DEF6: variants seen among roughly 807,000 people sequenced by gnomAD.
DEF6 encodes the protein differentially expressed in FDCP 6 homolog.
DEF6 carries 32 observed loss-of-function variants against 80.5 expected under a neutral mutation model. That is an observed-to-expected ratio of 0.40 (90% CI 0.30 to 0.53). DEF6 has a LOEUF of 0.53. Among genes scored for constraint, DEF6 ranks in the 20% least tolerant of loss-of-function variants. The pLI is 0.57. For missense variants in DEF6, 575 were observed against 818.7 expected (o/e 0.70, Z 3.63); for synonymous variants, 300 against 337.9 (o/e 0.89, Z 1.23).
rs1464333646 is a variant in DEF6 at position 35,318,529 on chromosome 6, G to A, written c.1215+58G>A. The A allele has an allele frequency of 8.2e-6, 11 of 1,346,736 alleles. No homozygotes were observed. Among genetic ancestry groups the A allele is most frequent in the Non-Finnish European group, 9.5e-6 (10 of 1,055,728 alleles). 83.4% of individuals were successfully genotyped at this position (1,346,736 alleles called of 1,614,324 possible). A position where few individuals can be genotyped will look rare whatever the true frequency, so the allele number is the denominator to read the frequency against. Reference sequence around the variant, plus strand: ...CGGTGGGCTGGGAGGCTGGCCAGGGGCGGAGCGCCGGGGGCGGGGCCTGGG... The same window carrying A: ...CGGTGGGCTGGGAGGCTGGCCAGGGACGGAGCGCCGGGGGCGGGGCCTGGG... On this transcript the variant is annotated intron_variant, in intron 7 of 10. Transcript: ENST00000316637. This position sits in a 1 kb window ranked among gnomAD's most constrained non-coding sequence, Gnocchi z 5.1.
In DEF6 at chr6:35,310,629, C is replaced by T. The variant is rs1562148583; in HGVS notation, c.408C>T (p.Ile136=). The change falls in exon 3 of 11, where the codon ATC becomes ATT. Residue 136 remains isoleucine, a synonymous_variant. Transcript: ENST00000316637. ...NFLSEDKYPL[I]MVPDEVEYLL... is the part of the protein sequence containing the mutation. ...TGTCTGAGGACAAGTACCCTCTGAT[C>T]ATGGTTCCTGATGAGGTGAGGGTGA... 1 of 1,614,194 alleles carries T rather than the reference C, an allele frequency of 6.2e-7. No homozygotes were observed. Among genetic ancestry groups the T allele is most frequent in the Non-Finnish European group, 8.5e-7 (1 of 1,180,030 alleles).
At chr6:35,308,369 C>CAAA (rs1562147839) in intron 1 of DEF6, among the ~76,000 whole-genome samples, 2 of 127,712 alleles carry the variant, frequency 1.6e-5, no homozygotes, top group Non-Finnish European at 1.7e-5. Flanking sequence ...CTGTCTCTAC[C>CAAA]GAAAAAAAAA....
chr6:35,314,628 TAC>T (rs1791504905), intron 5 of DEF6, among the ~76,000 whole-genome samples: 1 of 152,204 alleles, frequency 6.6e-6, no homozygotes. Context: ...GGTTTTTTGT[TAC>T]AGAGTTGTTT....
intron 1 of DEF6, among the ~76,000 whole-genome samples, chr6:35,306,339 C>T (rs550988664): frequency 1.3e-5 from 2 of 151,570 alleles, no homozygotes; most frequent in Admixed American, 6.6e-5. Context: ...GGCAAAACCC[C>T]GTCTCTACTA....
chr6:35,315,528 A>G (rs1400382265), intron 5 of DEF6, among the ~76,000 whole-genome samples: 1 of 152,162 alleles, frequency 6.6e-6, no homozygotes, highest in Non-Finnish European at 1.5e-5. Context: ...AAATCTATAA[A>G]TTGCTTTGGG....
chr6:35,308,118 T>C (rs1791414655), intron 1 of DEF6, among the ~76,000 whole-genome samples: 1 of 152,202 alleles, frequency 6.6e-6, no homozygotes, highest in Non-Finnish European at 1.5e-5. Flanking sequence ...GCACATTTAG[T>C]TTCAACCTCA....
Position 35,318,185 on chromosome 6 carries a change from C to T in DEF6, c.929C>T (p.Ala310Val). 6.4e-7 allele frequency: 1 copy of T among 1,563,358 alleles called. No homozygotes were observed. Among genetic ancestry groups the T allele is most frequent in the Non-Finnish European group, 8.6e-7 (1 of 1,156,614 alleles). The change falls in exon 7 of 11, where the codon GCG becomes GTG. Residue 310 changes from alanine (A) to valine (V), a missense_variant. By Grantham distance (64) the Ala-to-Val change is moderately conservative. Coordinates refer to ENST00000316637, the MANE Select transcript of DEF6 (RefSeq NM_022047.4). The surrounding 1 kb of genome is among the most constrained non-coding windows in gnomAD (Gnocchi z 5.1). ...RQEWTAAIQMAIRLQAEGKTS... is the reference protein window; with the variant it reads ...RQEWTAAIQMVIRLQAEGKTS... ...CGCTCTTCGGCAGCCATCCAGATGG[C>T]GATCCGGCTGCAGGCCGAGGGGAAG... is the stretch of plus-strand genomic sequence containing the variant.
chr6:35,318,354 G>A lies in DEF6; in HGVS notation c.1098G>A (p.Leu366=). 1 of 1,542,492 alleles carries A rather than the reference G, an allele frequency of 6.5e-7. No individual in the cohort carries two copies. The highest frequency in any genetic ancestry group is 1.4e-5 in the African/African-American group (1 of 72,998). ...EKERKLQELE[L]LQEAQRQAER... ...AGCGGAAGCTGCAGGAGCTGGAGCT[G>A]CTGCAGGAGGCGCAGCGGCAGGCCG... The change falls in exon 7 of 11, where the codon CTG becomes CTA. Residue 366 remains leucine, a synonymous_variant. Transcript: ENST00000316637. This position sits in a 1 kb window ranked among gnomAD's most constrained non-coding sequence, Gnocchi z 5.1.
chr6:35,321,448 A>G lies in DEF6; in HGVS notation c.*38A>G. 6.3e-7 allele frequency: 1 copy of G among 1,578,130 alleles called. No individual in the cohort carries two copies. Among genetic ancestry groups the G allele is most frequent in the Non-Finnish European group, 8.7e-7 (1 of 1,152,070 alleles). Reference sequence around the variant, plus strand: ...CCTTGTTCTTCCCAATGTCATATCCACCAGGACCTGGCCACAGCTGGCCTG... The same window carrying G: ...CCTTGTTCTTCCCAATGTCATATCCGCCAGGACCTGGCCACAGCTGGCCTG... On this transcript the variant is annotated 3_prime_UTR_variant, in exon 11 of 11. Transcript: ENST00000316637.
At chr6:35,315,965 T>G (rs1791520714) in intron 5 of DEF6, 1 of 153,056 alleles carries the variant, frequency 6.5e-6, no homozygotes, top group Admixed American at 6.6e-5. Flanking sequence ...TTCAAGTGAT[T>G]CTCCTGCCTC....
At chr6:35,310,071 G>GC (rs1179968574) in intron 2 of DEF6, among the ~76,000 whole-genome samples, 2 of 150,454 alleles carry the variant, frequency 1.3e-5, no homozygotes, top group Non-Finnish European at 3.0e-5. Flanking sequence ...CCGAATCCCT[G>GC]CCCGGCCCTC....
At chr6:35,320,785 T>C in intron 9 of DEF6, 99 bp from the exon 10 acceptor site, 1 of 1,013,152 alleles carries the variant, frequency 9.9e-7, no homozygotes, top group Non-Finnish European at 1.5e-6. Flanking sequence ...TGATCAGTAG[T>C]CTTGGTCAGA....
Position 35,312,321 on chromosome 6 carries a change from A to C in DEF6, c.443A>C (p.Lys148Thr). 6.2e-7 allele frequency: 1 copy of C among 1,613,786 alleles called. No homozygotes were observed. The change falls in exon 4 of 11, where the codon AAG (lysine) becomes ACG (threonine). Residue 148 changes from lysine to threonine, a missense_variant. Transcript: ENST00000316637. The surrounding 1 kb of genome is among the most constrained non-coding windows in gnomAD (Gnocchi z 6.6). The part of the protein sequence containing the change: ...VPDEVEYLLK[K>T]VLSSMSLEVS... The stretch of plus-strand genomic sequence containing the variant: ...CTCCAGGTGGAATACCTGCTGAAAA[A>C]GGTACTCAGCAGCATGAGCTTGGAG...
chr6:35,321,136 C>T, intron 10 of DEF6, 51 bp from the exon 11 acceptor site: 1 of 1,596,440 alleles, frequency 6.3e-7, no homozygotes. Flanking sequence ...GGCCCCTCGC[C>T]TCTCACCTTT....
At position 35,312,787 on chromosome 6, in the gene DEF6, G is replaced by T; in HGVS notation, c.807+15G>T. 1 of 1,608,236 alleles carries T rather than the reference G, an allele frequency of 6.2e-7. No homozygotes were observed. The highest frequency in any genetic ancestry group is 8.5e-7 in the Non-Finnish European group (1 of 1,177,404). ...GCTGCGTGGAGGTGAGGGGCAGGAT[G>T]GGGGTGGAGGACATCTCAGGGCCCA... On this transcript the variant is annotated intron_variant, in intron 5 of 10. Transcript: ENST00000316637. The surrounding 1 kb of genome is among the most constrained non-coding windows in gnomAD (Gnocchi z 6.6).
intron 9 of DEF6, 143 bp from the exon 10 acceptor site, chr6:35,320,741 C>T (rs1228456362): frequency 4.5e-6 from 3 of 673,420 alleles, no homozygotes; most frequent in Non-Finnish European, 7.6e-6. Context: ...GTATTAATAA[C>T]TCTATGAGCA....
chr6:35,308,713 AAAATAAAAT>A (rs1562147969), intron 1 of DEF6, among the ~76,000 whole-genome samples: 2 of 140,064 alleles, frequency 1.4e-5, no homozygotes, highest in South Asian at 2.2e-4. Flanking sequence ...AAAATAAAAT[AAAATAAAAT>A]AAAATAAATA....
At chr6:35,310,694 A>C in intron 3 of DEF6, 50 bp downstream of exon 3, 4 of 1,604,920 alleles carry the variant, frequency 2.5e-6, no homozygotes, top group Non-Finnish European at 3.4e-6. Flanking sequence ...ACCAGACCTA[A>C]GCAAAACCAT....
In DEF6 at chr6:35,319,785, A is replaced by G. The variant is rs774183375; in HGVS notation, c.1383-34A>G. ...CTGTGCACCTGCAAGGTGCCTTGGCACTAGAGGCTACACAGTACACACTCA... is the reference window on the plus strand; with the variant it reads ...CTGTGCACCTGCAAGGTGCCTTGGCGCTAGAGGCTACACAGTACACACTCA... On this transcript the variant is annotated intron_variant, in intron 8 of 10. Transcript: ENST00000316637. This position sits in a 1 kb window ranked among gnomAD's most constrained non-coding sequence, Gnocchi z 4.5. 1.2e-6 allele frequency: 2 copies of G among 1,607,924 alleles called. No homozygotes were observed. Among genetic ancestry groups the G allele is most frequent in the Non-Finnish European group, 8.5e-7 (1 of 1,177,094 alleles).
Sources: allele counts gnomAD v4.1 joint callset (sites outside exome capture counted in the v4.1 genomes callset), GRCh38; gene constraint gnomAD v4.1.1; non-coding constraint Gnocchi (gnomAD v3.1); transcripts MANE v1.5; gene names NCBI Gene and HGNC (gene_info 2026-07-23, HGNC 2026-07-21).